Variants in MIER3 observed in about 807,000 individuals in gnomAD.
MIER3 encodes MIER family member 3, also known as mesoderm induction early response protein 3.
A neutral mutation model predicts 63.2 loss-of-function variants in MIER3; 9 were observed. That is an observed-to-expected ratio of 0.14 (90% CI 0.09 to 0.25). The LOEUF is 0.25. Ranked by LOEUF, MIER3 falls within the 10% of genes least tolerant of loss-of-function variation. MIER3 has a pLI of 1.00. For synonymous variants in MIER3, 205 were observed against 224.9 expected, an observed-to-expected ratio of 0.91 and a Z score of 0.79; for missense variants, 512 against 666.2, an observed-to-expected ratio of 0.77 and a Z score of 2.55.
rs1749600148 is a variant in MIER3, at chr5:56,920,137, TAAA to T, written c.*2988_*2990del. 1 of 152,550 alleles carries T rather than the reference TAAA, an allele frequency of 6.6e-6. No individual in the cohort carries two copies. The allele number at this position is 152,550 out of a possible 1,614,324, so 9.4% of individuals were successfully genotyped here. On this transcript the variant is annotated 3_prime_UTR_variant, in exon 13 of 13. Coordinates refer to ENST00000381199, the MANE Select transcript of MIER3 (RefSeq NM_001297599.2). ...TTATGAGCCTCAACATTTTAAAAAT[TAAA>T]AAGGAAATGATTGCACAATTCTTTG...
At chr5:56,944,666 A>G (rs1308317065) in intron 3 of MIER3, among the ~76,000 whole-genome samples, 1 of 152,168 alleles carries the variant, frequency 6.6e-6, no homozygotes, top group Admixed American at 6.5e-5. Flanking sequence ...CTGCAAAACT[A>G]TATACATATA....
At chr5:56,945,439 C>A (rs960051510) in intron 3 of MIER3, among the ~76,000 whole-genome samples, 1 of 151,796 alleles carries the variant, frequency 6.6e-6, no homozygotes, top group Non-Finnish European at 1.5e-5. Flanking sequence ...CTCCAGCCTG[C>A]GCAATGGAGC....
chr5:56,951,344 C>T (rs1362082321), intron 1 of MIER3, among the ~76,000 whole-genome samples: 1 of 152,052 alleles, frequency 6.6e-6, no homozygotes, highest in Non-Finnish European at 1.5e-5. Context: ...CCGCCCCCTC[C>T]CCCCAGCTCA....
chr5:56,937,860 A>C (rs1750504801), intron 4 of MIER3, among the ~76,000 whole-genome samples, 162 bp from the exon 5 acceptor site: 1 of 145,918 alleles, frequency 6.9e-6, no homozygotes, highest in South Asian at 2.1e-4. Context: ...ATTTAATATT[A>C]TATATTATAT....
chr5:56,935,769 A>T lies in MIER3; in HGVS notation c.437-18T>A. The T allele has an allele frequency of 6.2e-7, 1 of 1,602,328 alleles. No individual in the cohort carries two copies. The highest frequency in any genetic ancestry group is 8.5e-7 in the Non-Finnish European group (1 of 1,173,506). On this transcript the variant is annotated intron_variant, in intron 5 of 12. Coordinates refer to ENST00000381199, the MANE Select transcript of MIER3 (RefSeq NM_001297599.2). ...AGTATTTGCTTAAAAGACAAAAATT[A>T]AAAAGGTTTTTACTGCCTATTTTTG...
chr5:56,935,820 A>C (rs890332951), intron 5 of MIER3, 69 bp from the exon 6 acceptor site: 19 of 1,162,852 alleles, frequency 1.6e-5, no homozygotes, highest in Non-Finnish European at 2.3e-5. Flanking sequence ...TGCCTGTTGT[A>C]TTTTACAAAA....
intron 1 of MIER3, among the ~76,000 whole-genome samples, chr5:56,951,637 C>T (rs942196862): frequency 3.3e-5 from 5 of 152,110 alleles, no homozygotes; most frequent in Admixed American, 2.0e-4. Context: ...GCCGGGGGCA[C>T]AGCGCACGAC....
At position 56,935,775 on chromosome 5, in the gene MIER3, G is replaced by A. The variant is rs368507481; in HGVS notation, c.437-24C>T. The stretch of plus-strand genomic sequence containing the variant: ...TGCTTAAAAGACAAAAATTAAAAAG[G>A]TTTTTACTGCCTATTTTTGCAGAAC... On this transcript the variant is annotated intron_variant, in intron 5 of 12. Coordinates refer to ENST00000381199, the MANE Select transcript of MIER3 (RefSeq NM_001297599.2). 13 of 1,574,292 alleles carry A rather than the reference G, an allele frequency of 8.3e-6. No individual in the cohort carries two copies. The African/African-American group carries it at 1.8e-4, about 21-fold the overall frequency.
chr5:56,939,119 A>T (rs953633215), intron 3 of MIER3, 102 bp from the exon 4 acceptor site: 1 of 1,273,580 alleles, frequency 7.9e-7, no homozygotes. Context: ...TTATCAAAAC[A>T]GCAGAACAAA....
At chr5:56,924,342 C>A (rs1749851748) in intron 10 of MIER3, among the ~76,000 whole-genome samples, 1 of 152,092 alleles carries the variant, frequency 6.6e-6, no homozygotes, top group Non-Finnish European at 1.5e-5. Flanking sequence ...AAATCTTAAA[C>A]ACTAGCATTC....
At position 56,920,144 on chromosome 5, in the gene MIER3, G is replaced by A. The variant is rs953170353; in HGVS notation, c.*2984C>T. The stretch of plus-strand genomic sequence containing the variant: ...CCTCAACATTTTAAAAATTAAAAAG[G>A]AAATGATTGCACAATTCTTTGATCT... On this transcript the variant is annotated 3_prime_UTR_variant, in exon 13 of 13. Coordinates refer to ENST00000381199, the MANE Select transcript of MIER3 (RefSeq NM_001297599.2). 8 of 152,506 alleles carry A rather than the reference G, an allele frequency of 5.2e-5. No individual in the cohort carries two copies. The highest frequency in any genetic ancestry group is 1.9e-4 in the African/African-American group (8 of 41,420). 9.4% of individuals were successfully genotyped at this position (152,506 alleles called of 1,614,324 possible). A position where few individuals can be genotyped will look rare whatever the true frequency, so the allele number is the denominator to read the frequency against.
At position 56,923,286 on chromosome 5, in the gene MIER3, T is replaced by G. The variant is rs1171529933; in HGVS notation, c.1495A>C (p.Asn499His). The G allele has an allele frequency of 6.2e-7, 1 of 1,614,160 alleles. No homozygotes were observed. Among genetic ancestry groups the G allele is most frequent in the Admixed American group, 1.7e-5 (1 of 59,992 alleles). The stretch of plus-strand genomic sequence containing the variant: ...TTTTCAAAGTCCACACCCAGGTTAT[T>G]TACAGAAACTTCATTCATAAAGGAT... ...PESFMNEVSV[N>H]NLGVDFENHT... The change falls in exon 13 of 13, where the codon AAT (asparagine) becomes CAT (histidine). Residue 499 changes from asparagine (N) to histidine (H), a missense_variant. Around this residue, in one of 5 missense-constraint regions of MIER3, gnomAD observed 218 missense variants for 251.2 expected, o/e 0.87. Transcript: ENST00000381199.
At chr5:56,950,006 T>C (rs540861134) in intron 2 of MIER3, among the ~76,000 whole-genome samples, 1 of 152,362 alleles carries the variant, frequency 6.6e-6, no homozygotes, top group East Asian at 1.9e-4. Context: ...CTTGCTTTCA[T>C]TAGATCCTGA....
intron 3 of MIER3, among the ~76,000 whole-genome samples, chr5:56,939,688 T>C (rs1750573204): frequency 6.6e-6 from 1 of 152,198 alleles, no homozygotes; most frequent in South Asian, 2.1e-4. Context: ...TTACATACCC[T>C]GGCTACAGTG....
chr5:56,950,585 T>A (rs375274921), intron 2 of MIER3, 43 bp downstream of exon 2: 1 of 1,608,168 alleles, frequency 6.2e-7, no homozygotes, highest in African/African-American at 1.3e-5. Context: ...GAGCCCACAT[T>A]ACCCACTGGG....
At chr5:56,933,132 A>T in intron 8 of MIER3, 115 bp downstream of exon 8, 1 of 1,153,452 alleles carries the variant, frequency 8.7e-7, no homozygotes, top group Non-Finnish European at 1.2e-6. Context: ...TGCATATTTT[A>T]AAACTCTTAT....
At chr5:56,937,121 C>A (rs1199076496) in intron 5 of MIER3, among the ~76,000 whole-genome samples, 2 of 152,106 alleles carry the variant, frequency 1.3e-5, no homozygotes, top group Admixed American at 1.3e-4. Flanking sequence ...GTCACCCAGG[C>A]TGCAGTGCAG....
intron 5 of MIER3, among the ~76,000 whole-genome samples, chr5:56,936,188 G>A (rs1278607525): frequency 2.0e-5 from 3 of 151,322 alleles, no homozygotes; most frequent in Non-Finnish European, 4.4e-5. Context: ...TTGCACTCCA[G>A]CCTGGGCAAC....
chr5:56,950,772 G>C (rs1641697080), intron 1 of MIER3, 120 bp from the exon 2 acceptor site: 3 of 1,142,992 alleles, frequency 2.6e-6, no homozygotes, highest in Non-Finnish European at 3.8e-6. Flanking sequence ...AAAAGTGCAA[G>C]ACGTAGCTTC....
Sources: allele counts gnomAD v4.1 joint callset (sites outside exome capture counted in the v4.1 genomes callset), GRCh38; gene constraint gnomAD v4.1.1; regional missense constraint gnomAD v4.1.1; transcripts MANE v1.5; gene names NCBI Gene and HGNC (gene_info 2026-07-23, HGNC 2026-07-21).